The following RNF150 variants were observed in gnomAD, a reference collection of about 807,000 sequenced individuals.
RNF150 encodes the protein ring finger protein 150.
A neutral mutation model predicts 39.3 loss-of-function variants in RNF150; 24 were observed. That is an observed-to-expected ratio of 0.61 (90% CI 0.44 to 0.86). The LOEUF (loss-of-function observed/expected upper bound fraction) is 0.86, where lower values mean the gene tolerates loss of function less well. Among genes scored for constraint, RNF150 ranks in the 40% least tolerant of loss-of-function variants. RNF150 has a pLI of 0.00. For synonymous variants in RNF150, 255 were observed against 227.3 expected (o/e 1.12, Z -1.10); for missense variants, 502 against 587.8 (o/e 0.85, Z 1.51).
intron 1 of RNF150, among the ~76,000 whole-genome samples, chr4:141,013,398 A>G (rs1325871144): frequency 3.3e-5 from 5 of 152,202 alleles, no homozygotes; most frequent in African/African-American, 1.2e-4. Flanking sequence ...AAGCTTTTTA[A>G]AAGAGGGAAT....
At chr4:141,000,373 T>C (rs891036061) in intron 1 of RNF150, among the ~76,000 whole-genome samples, 5 of 152,182 alleles carry the variant, frequency 3.3e-5, no homozygotes, top group Non-Finnish European at 5.9e-5. Context: ...TCGGTATGTA[T>C]AAGGAAAATT....
At chr4:141,192,847 G>A (rs1289898865) in intron 1 of RNF150, among the ~76,000 whole-genome samples, 2 of 152,168 alleles carry the variant, frequency 1.3e-5, no homozygotes, top group East Asian at 1.9e-4. Context: ...CTCACTTGAT[G>A]TTGCTCAAGC....
intron 1 of RNF150, among the ~76,000 whole-genome samples, chr4:141,209,554 C>T (rs1476619694): frequency 6.6e-6 from 1 of 152,084 alleles, no homozygotes; most frequent in African/African-American, 2.4e-5. Context: ...ATTATTGAGG[C>T]TAAAAATAAC....
chr4:140,945,115 G>A (rs967986947), intron 4 of RNF150, among the ~76,000 whole-genome samples: 1 of 152,130 alleles, frequency 6.6e-6, no homozygotes, highest in Middle Eastern at 3.2e-3. Context: ...AGGGTTCATA[G>A]TATGGAAATA....
intron 1 of RNF150, among the ~76,000 whole-genome samples, chr4:141,130,798 C>T (rs1351125467): frequency 2.0e-5 from 3 of 152,186 alleles, no homozygotes; most frequent in Non-Finnish European, 4.4e-5. Flanking sequence ...ACTTACAGTG[C>T]TTTCCATAGT....
At chr4:141,088,678 TACACACACACACAC>T (rs60239559) in intron 1 of RNF150, among the ~76,000 whole-genome samples, 2 of 146,498 alleles carry the variant, frequency 1.4e-5, no homozygotes, top group African/African-American at 2.5e-5. Context: ...ACTTTGCTTT[TACACACACACACAC>T]ACACACACAC....
intron 1 of RNF150, among the ~76,000 whole-genome samples, chr4:141,046,746 T>C (rs925184333): frequency 6.6e-6 from 1 of 152,174 alleles, no homozygotes; most frequent in African/African-American, 2.4e-5. Flanking sequence ...AGGGAATTAT[T>C]ACAAGAGAGT....
chr4:141,003,110 T>C, intron 1 of RNF150, among the ~76,000 whole-genome samples: 1 of 151,928 alleles, frequency 6.6e-6, no homozygotes, highest in Non-Finnish European at 1.5e-5. Context: ...ATTTCTTGAG[T>C]CAACAAAAAA....
At chr4:141,007,577 C>A (rs898523190) in intron 1 of RNF150, among the ~76,000 whole-genome samples, 1 of 152,116 alleles carries the variant, frequency 6.6e-6, no homozygotes, top group African/African-American at 2.4e-5. Flanking sequence ...TCTTCGTGTA[C>A]TTAAATTATT....
rs145415278 is a variant in RNF150, at chr4:141,189,114, A to C, written c.-6+23680T>G. Among the ~76,000 whole-genome samples, 106 of 152,148 alleles carry C rather than the reference A, an allele frequency of 7.0e-4. 1 individual carries two copies. Among genetic ancestry groups the C allele is most frequent in the Non-Finnish European group, 1.3e-3 (89 of 67,996 alleles). ...TTGATGCTATTGCTTTCTGTTTGTT[A>C]GTTTTCATTCTGTCAGGCCCCTTTT... is the stretch of plus-strand genomic sequence containing the variant. On this transcript the variant is annotated intron_variant, in intron 1 of 7. Coordinates refer to the RNF150 transcript ENST00000420921.
intron 4 of RNF150, among the ~76,000 whole-genome samples, chr4:140,926,368 C>T (rs1384767601): frequency 6.6e-6 from 1 of 152,134 alleles, no homozygotes; most frequent in Non-Finnish European, 1.5e-5. Context: ...TAGGAAGAAG[C>T]TCCAATGAAA....
chr4:141,027,266 C>A (rs1735736992), intron 1 of RNF150, among the ~76,000 whole-genome samples: 1 of 152,148 alleles, frequency 6.6e-6, no homozygotes, highest in South Asian at 2.1e-4. Context: ...AGAGTATGTT[C>A]ATAAGTCACG....
chr4:141,189,890 G>A (rs1004091843), intron 1 of RNF150, among the ~76,000 whole-genome samples: 21 of 152,186 alleles, frequency 1.4e-4, no homozygotes, highest in Admixed American at 1.2e-3. Flanking sequence ...CTTCAGCCCC[G>A]TTTCAGGGGA....
At chr4:141,205,058 C>T (rs548480142) in intron 1 of RNF150, among the ~76,000 whole-genome samples, 104 of 152,210 alleles carry the variant, frequency 6.8e-4, no homozygotes, top group African/African-American at 8.9e-4. Context: ...AATATTGACA[C>T]GCTTTTTAAG....
chr4:140,917,903 C>A (rs374463375), intron 5 of RNF150, among the ~76,000 whole-genome samples: 19 of 152,002 alleles, frequency 1.2e-4, no homozygotes, highest in East Asian at 7.7e-4. Context: ...AAAACCGCTC[C>A]ACTACATGGA....
intron 1 of RNF150, among the ~76,000 whole-genome samples, chr4:141,112,045 C>G (rs1739400775): frequency 1.3e-5 from 2 of 152,110 alleles, no homozygotes; most frequent in Non-Finnish European, 2.9e-5. Context: ...CATTGGCAGG[C>G]AAGTGACTGT....
At chr4:141,096,687 AT>A (rs1415577049) in intron 1 of RNF150, among the ~76,000 whole-genome samples, 4 of 152,262 alleles carry the variant, frequency 2.6e-5, no homozygotes, top group African/African-American at 9.6e-5. Context: ...TTCAGAAAAG[AT>A]GGAATTTAAG....
chr4:141,096,095 T>G (rs1738763550), intron 1 of RNF150, among the ~76,000 whole-genome samples: 1 of 152,088 alleles, frequency 6.6e-6, no homozygotes, highest in African/African-American at 2.4e-5. Context: ...TACTTCTTAT[T>G]TGATATGCTG....
At chr4:140,896,938 AG>A (rs1729982094) in intron 6 of RNF150, among the ~76,000 whole-genome samples, 2 of 152,172 alleles carry the variant, frequency 1.3e-5, no homozygotes, top group Admixed American at 1.3e-4. Context: ...GTTGGCTGCT[AG>A]GATTAAACCT....
Sources: gnomAD v4.1 joint callset for allele counts (sites outside exome capture counted in the v4.1 genomes callset) on GRCh38, gnomAD v4.1.1 for gene constraint, MANE v1.5 for transcripts, NCBI Gene and HGNC (gene_info 2026-07-23, HGNC 2026-07-21) for gene names.